Variants in JUP observed in about 807,000 individuals in gnomAD.
The protein encoded by JUP is junction plakoglobin, also known as catenin (cadherin-associated protein), gamma 80kDa.
JUP carries 28 observed loss-of-function variants against 71.1 expected under a neutral mutation model. The ratio of observed to expected loss-of-function variants is 0.39; its 90% CI spans 0.29 to 0.54. The LOEUF is 0.54. Ranked by LOEUF, JUP falls within the 20% of genes least tolerant of loss-of-function variation. The pLI, the probability that JUP is intolerant of heterozygous loss-of-function variation, is 0.62. For synonymous variants in JUP, 401 were observed against 438.9 expected (o/e 0.91, Z 1.08); for missense variants, 869 against 1,030.1 (o/e 0.84, Z 2.14).
intron 5 of JUP, among the ~76,000 whole-genome samples, chr17:41,767,110 G>A (rs1915856609): frequency 6.6e-6 from 1 of 151,604 alleles, no homozygotes; most frequent in African/African-American, 2.4e-5. Flanking sequence ...ATGATGACAA[G>A]GATGTGTACA....
intron 5 of JUP, 137 bp from the exon 6 acceptor site, chr17:41,765,204 T>C: frequency 1.2e-6 from 1 of 851,716 alleles, no homozygotes; most frequent in Non-Finnish European, 1.8e-6. Flanking sequence ...TTTAATGTAT[T>C]TTTTTCTTTT....
rs1914434552 is a variant in JUP, at chr17:41,759,398, C to T, written c.1498-528G>A. Among the ~76,000 whole-genome samples the T allele has an allele frequency of 2.0e-5, 3 of 152,242 alleles. No individual in the cohort carries two copies. The South Asian group carries it at 6.2e-4, about 32-fold the overall frequency. On this transcript the variant is annotated intron_variant, in intron 8 of 13. Transcript: ENST00000393931. ...CTGCTCATGGCTAATTCTAATAGCC[C>T]TTGCTAAAATGACACCCCATTCCAG...
At chr17:41,771,600 C>T in intron 2 of JUP, 47 bp downstream of exon 2, 1 of 1,565,824 alleles carries the variant, frequency 6.4e-7, no homozygotes, top group Non-Finnish European at 8.8e-7. Context: ...CTCTCCAGGA[C>T]CCAGGCAGGT....
chr17:41,784,409 TC>T (rs2143932513), intron 1 of JUP, among the ~76,000 whole-genome samples: 1 of 152,136 alleles, frequency 6.6e-6, no homozygotes, highest in East Asian at 1.9e-4. Flanking sequence ...CTCCCCCGCA[TC>T]CCCCAGTCCA....
chr17:41,766,583 G>A (rs782632852), intron 5 of JUP, among the ~76,000 whole-genome samples: 3 of 151,924 alleles, frequency 2.0e-5, no homozygotes, highest in Non-Finnish European at 4.4e-5. Context: ...GGTGGGGCAC[G>A]GTGTCTCATG....
At chr17:41,784,544 C>G (rs1363655558) in intron 1 of JUP, among the ~76,000 whole-genome samples, 1 of 152,152 alleles carries the variant, frequency 6.6e-6, no homozygotes, top group Non-Finnish European at 1.5e-5. Flanking sequence ...ATGCCCTCCC[C>G]TCCTCCACCT....
chr17:41,759,433 C>G (rs1914439769), intron 8 of JUP, among the ~76,000 whole-genome samples: 1 of 152,108 alleles, frequency 6.6e-6, no homozygotes, highest in South Asian at 2.1e-4. Context: ...GAACATCCTG[C>G]CAGCCCCATG....
chr17:41,764,545 A>G (rs1915389894), intron 7 of JUP, among the ~76,000 whole-genome samples, 168 bp downstream of exon 7: 1 of 150,996 alleles, frequency 6.6e-6, no homozygotes, highest in Admixed American at 6.6e-5. Flanking sequence ...AAAAAAAAAA[A>G]AAAAAAAAAA....
At chr17:41,774,711 A>G (rs1555608143) in intron 1 of JUP, among the ~76,000 whole-genome samples, 1 of 152,216 alleles carries the variant, frequency 6.6e-6, no homozygotes, top group Non-Finnish European at 1.5e-5. Flanking sequence ...AACAGCATCC[A>G]GTCCACTAGA....
intron 5 of JUP, among the ~76,000 whole-genome samples, chr17:41,766,858 CAAA>C (rs568338411): frequency 2.8e-5 from 3 of 105,616 alleles, no homozygotes; most frequent in Non-Finnish European, 6.1e-5. Flanking sequence ...CCATCTCAAA[CAAA>C]AAAAAAAAAA....
chr17:41,755,818 C>G lies in JUP; in HGVS notation c.2164G>C (p.Gly722Arg). ...CTGTAGGTGTCGATGGGGTAGTCTC[C>G]ATCCATGTCCATGTGCATCTCCAGC... ...DPLEMHMDMD[G>R]DYPIDTYSDG... Residue 722 changes from glycine (G) to arginine (R), a missense_variant, in exon 14 of 14, where the codon GGA becomes CGA. By Grantham distance (125) the Gly-to-Arg change is moderately radical. Transcript: ENST00000393931. The G allele has an allele frequency of 6.2e-7, 1 of 1,613,338 alleles. No individual in the cohort carries two copies. The highest frequency in any genetic ancestry group is 1.7e-5 in the Admixed American group (1 of 59,974).
Position 41,758,723 on chromosome 17 carries a change from G to T in JUP, c.1645C>A (p.Pro549Thr). Residue 549 changes from proline to threonine, a missense_variant, in exon 9 of 14, where the codon CCC becomes ACC. Transcript: ENST00000393931. The part of the protein sequence containing the change: ...QRHVAAGTQQ[P>T]YTDGVRMEEI... ...ACCACCAGCTCACATACCGTGTAGGGCTGCTGTGTGCCTGCAGCTACGTGG... is the reference window on the plus strand; with the variant it reads ...ACCACCAGCTCACATACCGTGTAGGTCTGCTGTGTGCCTGCAGCTACGTGG... 1 of 1,600,668 alleles carries T rather than the reference G, an allele frequency of 6.2e-7. No homozygotes were observed.
chr17:41,778,127 C>T (rs1555609280), intron 1 of JUP, among the ~76,000 whole-genome samples: 1 of 152,220 alleles, frequency 6.6e-6, no homozygotes, highest in African/African-American at 2.4e-5. Flanking sequence ...ATAACAGCAG[C>T]TCCGATCCCA....
In JUP at chr17:41,755,581, A is replaced by C; in HGVS notation, c.*163T>G. The stretch of plus-strand genomic sequence containing the variant: ...CATCCCCACCAAAGACACAAGAAGA[A>C]GGCAGGCCAGGGCACACCGTGCTTG... On this transcript the variant is annotated 3_prime_UTR_variant, in exon 14 of 14. Transcript: ENST00000393931. 2 of 614,830 alleles carry C rather than the reference A, an allele frequency of 3.3e-6. No homozygotes were observed. The highest frequency in any genetic ancestry group is 7.0e-5 in the South Asian group (2 of 28,398). The allele number at this position is 614,830 out of a possible 1,614,324, so 38.1% of individuals were successfully genotyped here.
At chr17:41,760,253 G>GT (rs1237664326) in intron 8 of JUP, among the ~76,000 whole-genome samples, 4 of 151,240 alleles carry the variant, frequency 2.6e-5, no homozygotes, top group East Asian at 1.9e-4. Flanking sequence ...TTGTTTGTTT[G>GT]TTTTTTTGTT....
At chr17:41,784,180 C>T (rs1555611140) in intron 1 of JUP, among the ~76,000 whole-genome samples, 1 of 152,114 alleles carries the variant, frequency 6.6e-6, no homozygotes, top group Non-Finnish European at 1.5e-5. Flanking sequence ...AAGGTGGCTC[C>T]AGGATGGGAA....
chr17:41,768,347 C>T (rs1555604844), intron 4 of JUP, among the ~76,000 whole-genome samples: 1 of 151,640 alleles, frequency 6.6e-6, no homozygotes, highest in African/African-American at 2.4e-5. Context: ...TGCAGTAAGC[C>T]GAGACTGTGC....
At chr17:41,764,855 A>ATGGC in intron 6 of JUP, 39 bp from the exon 7 acceptor site, 3 of 1,611,618 alleles carry the variant, frequency 1.9e-6, no homozygotes, top group Non-Finnish European at 2.5e-6. Context: ...CACGGGGAGC[A>ATGGC]TGGCTGACTG....
chr17:41,782,225 G>T (rs1337984565), intron 1 of JUP, among the ~76,000 whole-genome samples: 2 of 152,172 alleles, frequency 1.3e-5, no homozygotes, highest in African/African-American at 4.8e-5. Context: ...TCCCTAGAGG[G>T]CCAAGGCTCT....
Sources: gnomAD v4.1 joint callset for allele counts (sites outside exome capture counted in the v4.1 genomes callset) on GRCh38, gnomAD v4.1.1 for gene constraint, MANE v1.5 for transcripts, NCBI Gene and HGNC (gene_info 2026-07-23, HGNC 2026-07-21) for gene names.